The following HPSE2 variants were observed in gnomAD, a reference collection of about 807,000 sequenced individuals.
HPSE2 encodes heparanase 2 (inactive), also known as inactive heparanase-2.
In HPSE2, 38 loss-of-function variants were observed where a neutral mutation model predicts 60.5. That is an observed-to-expected ratio of 0.63 (90% CI 0.48 to 0.82). The LOEUF is 0.82. Ranked by LOEUF, HPSE2 falls within the 40% of genes least tolerant of loss-of-function variation. HPSE2 has a pLI of 0.00. For missense variants in HPSE2, 713 were observed against 740.4 expected (o/e 0.96, Z 0.43); for synonymous variants, 295 against 293.2 (o/e 1.01, Z -0.06).
chr10:98,574,114 T>C (rs1178903683), intron 9 of HPSE2, among the ~76,000 whole-genome samples: 1 of 150,684 alleles, frequency 6.6e-6, no homozygotes, highest in African/African-American at 2.4e-5. Flanking sequence ...TGGCATATTC[T>C]GGACATTTTG....
intron 9 of HPSE2, among the ~76,000 whole-genome samples, chr10:98,531,610 C>G (rs144601727): frequency 1.3e-5 from 2 of 152,262 alleles, no homozygotes; most frequent in African/African-American, 4.8e-5. Context: ...GGAAAGATGT[C>G]CAGTTTCTCA....
intron 5 of HPSE2, among the ~76,000 whole-genome samples, chr10:98,720,175 C>G (rs894769762): frequency 1.3e-5 from 2 of 151,896 alleles, no homozygotes; most frequent in African/African-American, 2.4e-5. Flanking sequence ...AATAAGAAAT[C>G]AGAAATTACA....
intron 5 of HPSE2, among the ~76,000 whole-genome samples, chr10:98,700,956 G>T: frequency 1.5e-5 from 1 of 65,458 alleles, no homozygotes; most frequent in Non-Finnish European, 4.3e-5. Context: ...TCTCACACCA[G>T]TTAGAATGGC....
At chr10:98,747,558 A>G (rs983341773) in intron 3 of HPSE2, among the ~76,000 whole-genome samples, 13 of 152,214 alleles carry the variant, frequency 8.5e-5, no homozygotes, top group African/African-American at 3.1e-4. Flanking sequence ...CAGTATGGAT[A>G]GTTTGTTCAC....
chr10:99,050,678 C>CT (rs1957970762), intron 3 of HPSE2, among the ~76,000 whole-genome samples: 1 of 151,926 alleles, frequency 6.6e-6, no homozygotes, highest in African/African-American at 2.4e-5. Context: ...AAAAATTAGC[C>CT]ATTTAAAAGA....
chr10:99,243,284 C>T, the HPSE2 span, among the ~76,000 whole-genome samples: 12 of 151,312 alleles, frequency 7.9e-5, no homozygotes, highest in Admixed American at 5.9e-4. Flanking sequence ...ACCCAGGAGG[C>T]GGAGGTTGCA....
rs536771665 is a variant in HPSE2 at position 98,869,504 on chromosome 10, C to T, written c.611-125448G>A. 1.2e-3 allele frequency among the ~76,000 whole-genome samples: 178 copies of T among 152,164 alleles called. 2 individuals are homozygous for T. Among genetic ancestry groups the T allele is most frequent in the African/African-American group, 4.1e-3 (170 of 41,542 alleles). On this transcript the variant is annotated intron_variant, in intron 3 of 11. Coordinates refer to ENST00000370552, the MANE Select transcript of HPSE2 (RefSeq NM_021828.5). ...TAGCTTCCAGACCTTTATGTTATGG[C>T]CTCATATGAACAAAGTCTATTTCAT...
chr10:99,237,510 G>C (rs1589857298), upstream of HPSE2, among the ~76,000 whole-genome samples: 1 of 152,136 alleles, frequency 6.6e-6, no homozygotes, highest in East Asian at 1.9e-4. Flanking sequence ...CCAGGAAATC[G>C]AGATTATGTT....
chr10:98,908,683 C>CAAA (rs35913499), intron 3 of HPSE2, among the ~76,000 whole-genome samples: 1,147 of 66,070 alleles, frequency 0.017, 216 homozygotes, highest in South Asian at 0.023. Flanking sequence ...AGCTCCATCT[C>CAAA]AAAAAAAAAA....
intron 6 of HPSE2, 141 bp from the exon 7 acceptor site, chr10:98,642,081 C>G (rs1487244611): frequency 1.4e-6 from 1 of 719,750 alleles, no homozygotes; most frequent in African/African-American, 1.8e-5. Context: ...GGTTTTGAAC[C>G]TGGGTACTTT....
chr10:99,132,220 AG>A (rs1845456114), intron 3 of HPSE2, among the ~76,000 whole-genome samples: 16 of 35,484 alleles, frequency 4.5e-4, no homozygotes, highest in South Asian at 1.6e-3. Flanking sequence ...AGAGAGAGAG[AG>A]AGAGAGAGAG....
chr10:99,055,306 C>T (rs992722589), intron 3 of HPSE2, among the ~76,000 whole-genome samples: 1 of 151,928 alleles, frequency 6.6e-6, no homozygotes, highest in Admixed American at 6.6e-5. Flanking sequence ...AATACACATA[C>T]AAGGGACCAA....
chr10:98,749,058 C>A (rs1949693604), intron 3 of HPSE2, among the ~76,000 whole-genome samples: 1 of 151,886 alleles, frequency 6.6e-6, no homozygotes, highest in Admixed American at 6.6e-5. Flanking sequence ...GAGAGAAGAA[C>A]CAGATTGTTT....
the HPSE2 span, among the ~76,000 whole-genome samples, chr10:99,297,631 G>A: frequency 6.6e-6 from 1 of 152,088 alleles, no homozygotes; most frequent in African/African-American, 2.4e-5. Flanking sequence ...TTGTGTGTGG[G>A]TAATTATAAC....
At chr10:98,512,441 C>T (rs184608481) in intron 9 of HPSE2, among the ~76,000 whole-genome samples, 48 of 152,110 alleles carry the variant, frequency 3.2e-4, no homozygotes, top group Admixed American at 5.2e-4. Flanking sequence ...AAAAATTAGC[C>T]GGGCGTGGTA....
At chr10:98,948,294 T>A (rs983315538) in intron 3 of HPSE2, among the ~76,000 whole-genome samples, 6 of 152,082 alleles carry the variant, frequency 3.9e-5, no homozygotes, top group Non-Finnish European at 8.8e-5. Flanking sequence ...ATTATAGATA[T>A]GGCAAAAAAG....
intron 2 of HPSE2, among the ~76,000 whole-genome samples, chr10:99,178,859 G>A (rs770148775): frequency 1.3e-5 from 2 of 152,138 alleles, no homozygotes; most frequent in South Asian, 2.1e-4. Flanking sequence ...ACATCGATGC[G>A]AAAATCCTCA....
intron 3 of HPSE2, among the ~76,000 whole-genome samples, chr10:99,028,946 A>C (rs1037415891): frequency 1.3e-5 from 2 of 152,180 alleles, no homozygotes; most frequent in African/African-American, 4.8e-5. Flanking sequence ...AGAAAAAGGA[A>C]ACTAGGTCCT....
At chr10:99,306,219 T>C in the HPSE2 span, among the ~76,000 whole-genome samples, 1 of 152,088 alleles carries the variant, frequency 6.6e-6, no homozygotes, top group Non-Finnish European at 1.5e-5. Flanking sequence ...TTTCTAAAAG[T>C]GATGAAAGAT....
Sources: allele counts gnomAD v4.1 joint callset (sites outside exome capture counted in the v4.1 genomes callset), GRCh38; gene constraint gnomAD v4.1.1; transcripts MANE v1.5; gene names NCBI Gene and HGNC (gene_info 2026-07-23, HGNC 2026-07-21).